The following MSRA variants were observed in gnomAD, a reference collection of about 807,000 sequenced individuals.
MSRA encodes mitochondrial peptide methionine sulfoxide reductase.
Under a neutral mutation model 31.3 loss-of-function variants are expected in MSRA, and 54 were observed. That is an observed-to-expected ratio of 1.73 (90% CI 1.39 to 2.17). The LOEUF (loss-of-function observed/expected upper bound fraction) is 2.17. MSRA is among the 30% of genes most tolerant of loss of function. The probability of loss-of-function intolerance (pLI) is 0.00; values close to 1 mark genes in which losing one functional copy is unlikely to be tolerated. For missense variants in MSRA, 507 were observed against 300.9 expected (o/e 1.69, Z -5.07); for synonymous variants, 169 against 116.5 (o/e 1.45, Z -2.90).
chr8:10,264,131 T>C (rs1308857238), intron 3 of MSRA, among the ~76,000 whole-genome samples: 1 of 152,206 alleles, frequency 6.6e-6, no homozygotes, highest in African/African-American at 2.4e-5. Context: ...TCCAAAGCTT[T>C]GACTAGAGAC....
At chr8:10,111,464 A>G (rs944796864) in intron 1 of MSRA, among the ~76,000 whole-genome samples, 20 of 152,236 alleles carry the variant, frequency 1.3e-4, no homozygotes, top group African/African-American at 4.6e-4. Context: ...TTCCCAGGTT[A>G]ACTCCATTTA....
intron 2 of MSRA, among the ~76,000 whole-genome samples, chr8:10,228,302 G>A (rs972413917): frequency 6.6e-6 from 1 of 152,182 alleles, no homozygotes. Flanking sequence ...AGGCCAGGGA[G>A]CCGTGGAGAG....
intron 1 of MSRA, among the ~76,000 whole-genome samples, chr8:10,143,222 C>T (rs1020211938): frequency 6.6e-6 from 1 of 152,132 alleles, no homozygotes; most frequent in African/African-American, 2.4e-5. Flanking sequence ...TTCCTGTGCA[C>T]ATGTACTTAT....
At chr8:10,217,026 C>T (rs1373289888) in intron 2 of MSRA, among the ~76,000 whole-genome samples, 3 of 152,198 alleles carry the variant, frequency 2.0e-5, no homozygotes, top group Admixed American at 2.0e-4. Flanking sequence ...ACCAGCGAAC[C>T]ACAAGGGTTC....
At chr8:10,230,671 T>C (rs997514479) in intron 2 of MSRA, among the ~76,000 whole-genome samples, 1 of 152,182 alleles carries the variant, frequency 6.6e-6, no homozygotes, top group Non-Finnish European at 1.5e-5. Context: ...TTATAGAAAT[T>C]TGGAATAAAC....
At chr8:10,136,161 C>T (rs1802254537) in intron 1 of MSRA, among the ~76,000 whole-genome samples, 1 of 152,186 alleles carries the variant, frequency 6.6e-6, no homozygotes, top group Non-Finnish European at 1.5e-5. Flanking sequence ...GTGATAAGGG[C>T]TTGCAGTCAC....
intron 1 of MSRA, among the ~76,000 whole-genome samples, chr8:10,174,421 C>T (rs1368156893): frequency 1.3e-5 from 2 of 152,110 alleles, no homozygotes; most frequent in Admixed American, 6.6e-5. Flanking sequence ...TTTGGTGTCA[C>T]GCAACCATGC....
chr8:10,215,954 A>G (rs1241899819), intron 2 of MSRA, among the ~76,000 whole-genome samples: 2 of 152,236 alleles, frequency 1.3e-5, no homozygotes, highest in East Asian at 3.8e-4. Context: ...AGAAACAATC[A>G]AATATTTTCT....
intron 1 of MSRA, among the ~76,000 whole-genome samples, chr8:10,118,083 C>A (rs552724274): frequency 6.6e-6 from 1 of 152,174 alleles, no homozygotes; most frequent in African/African-American, 2.4e-5. Context: ...ATTTTCTTTT[C>A]CCTGGGTGTT....
At chr8:10,239,885 G>A (rs567507504) in intron 2 of MSRA, among the ~76,000 whole-genome samples, 2 of 134,678 alleles carry the variant, frequency 1.5e-5, no homozygotes, top group South Asian at 4.7e-4. Context: ...TCAGTGTCCT[G>A]GAGTCCGGCA....
intron 1 of MSRA, among the ~76,000 whole-genome samples, chr8:10,182,955 A>T (rs1024237735): frequency 1.1e-4 from 16 of 152,226 alleles, no homozygotes; most frequent in Non-Finnish European, 1.6e-4. Context: ...CCCCCTTTAC[A>T]TCAGCATGCC....
Position 10,186,323 on chromosome 8 carries a change from G to A in MSRA, c.143-21510G>A, listed in dbSNP as rs542971040. Among the ~76,000 whole-genome samples the A allele has an allele frequency of 2.6e-5, 4 of 152,244 alleles. No individual in the cohort carries two copies. In the East Asian group the frequency reaches 5.8e-4, roughly 22 times the overall value. On this transcript the variant is annotated intron_variant, in intron 1 of 5. Transcript: ENST00000317173. ...TTGCAGGCCATACGGTTCCTGTCAC[G>A]ATGACTGCACTCTGCCATTGTAGAG...
chr8:10,187,818 A>G (rs1807182542), intron 1 of MSRA, among the ~76,000 whole-genome samples: 1 of 152,220 alleles, frequency 6.6e-6, no homozygotes. Flanking sequence ...GTAGTTCTAT[A>G]GTAGTTCTGT....
intron 1 of MSRA, among the ~76,000 whole-genome samples, chr8:10,132,756 G>A (rs543708961): frequency 6.6e-6 from 1 of 152,350 alleles, no homozygotes; most frequent in Admixed American, 6.5e-5. Context: ...AGCCTTGTGT[G>A]CCAGGGACTG....
intron 1 of MSRA, among the ~76,000 whole-genome samples, chr8:10,071,074 C>T (rs12544315): frequency 6.6e-6 from 1 of 152,116 alleles, no homozygotes; most frequent in Non-Finnish European, 1.5e-5. Context: ...TCATAAGAAA[C>T]TGCCAAACTG....
intron 1 of MSRA, among the ~76,000 whole-genome samples, chr8:10,100,279 G>GAGAGGC (rs1430024444): frequency 6.6e-6 from 1 of 152,150 alleles, no homozygotes; most frequent in Middle Eastern, 3.2e-3. Flanking sequence ...CCAGGAGAGG[G>GAGAGGC]AGAGGCAGAG....
intron 1 of MSRA, among the ~76,000 whole-genome samples, chr8:10,157,872 A>AT (rs1804288900): frequency 6.6e-6 from 1 of 152,020 alleles, no homozygotes; most frequent in African/African-American, 2.4e-5. Flanking sequence ...TTGACATATA[A>AT]CTCACATACC....
intron 5 of MSRA, among the ~76,000 whole-genome samples, chr8:10,324,972 G>A (rs925828693): frequency 8.5e-5 from 13 of 152,216 alleles, no homozygotes; most frequent in Non-Finnish European, 8.8e-5. Context: ...GGCACATGGC[G>A]TTGAGTGTAA....
At chr8:10,208,696 G>A (rs1809226400) in intron 2 of MSRA, among the ~76,000 whole-genome samples, 3 of 152,050 alleles carry the variant, frequency 2.0e-5, no homozygotes, top group Admixed American at 6.5e-5. Flanking sequence ...TCTGTGCTCT[G>A]GAATTTCAAC....
Sources: gnomAD v4.1 joint callset for allele counts (sites outside exome capture counted in the v4.1 genomes callset) on GRCh38, gnomAD v4.1.1 for gene constraint, MANE v1.5 for transcripts, NCBI Gene and HGNC (gene_info 2026-07-23, HGNC 2026-07-21) for gene names.